ELOVL4: variants seen among roughly 807,000 people sequenced by gnomAD.
ELOVL4 encodes very long chain fatty acid elongase 4.
In ELOVL4, 18 loss-of-function variants were observed where a neutral mutation model predicts 42.1. The observed-to-expected ratio is 0.43, with a 90% CI of 0.30 to 0.63. The LOEUF is 0.63. Among genes scored for constraint, ELOVL4 ranks in the 30% least tolerant of loss-of-function variants. The pLI, the probability that ELOVL4 is intolerant of heterozygous loss-of-function variation, is 0.15. For missense variants in ELOVL4, 299 were observed against 376.2 expected, an observed-to-expected ratio of 0.79 and a Z score of 1.70; for synonymous variants, 117 against 127.0, an observed-to-expected ratio of 0.92 and a Z score of 0.53.
intron 1 of ELOVL4, among the ~76,000 whole-genome samples, chr6:79,943,343 G>A (rs1774678138): frequency 6.6e-6 from 1 of 152,020 alleles, no homozygotes; most frequent in Non-Finnish European, 1.5e-5. Flanking sequence ...TGACCCTTAA[G>A]CACCTTCCCA....
chr6:79,943,905 A>T (rs1774690786), intron 1 of ELOVL4, among the ~76,000 whole-genome samples: 1 of 152,100 alleles, frequency 6.6e-6, no homozygotes. Flanking sequence ...CCAAGTAGAC[A>T]ATTTTTTTCA....
chr6:79,943,583 C>G (rs1404626045), intron 1 of ELOVL4, among the ~76,000 whole-genome samples: 1 of 152,040 alleles, frequency 6.6e-6, no homozygotes, highest in Non-Finnish European at 1.5e-5. Context: ...TTCCCTAGGC[C>G]CCAGCTAGTC....
chr6:79,920,455 T>G (rs1243095529), intron 4 of ELOVL4, among the ~76,000 whole-genome samples: 2 of 152,194 alleles, frequency 1.3e-5, no homozygotes, highest in Non-Finnish European at 2.9e-5. Context: ...CAACAAGACC[T>G]ATACAGGCTG....
At position 79,947,390 on chromosome 6, in the gene ELOVL4, A is replaced by C; in HGVS notation, c.-111T>G. On this transcript the variant is annotated 5_prime_UTR_variant, in exon 1 of 6. Coordinates refer to ENST00000369816, the MANE Select transcript of ELOVL4 (RefSeq NM_022726.4). The stretch of plus-strand genomic sequence containing the variant: ...CGAGCGGCGGCCGGGAACCCCTCTA[A>C]CGGCGGCGGCCCGGCTGCGTCTTCT... The C allele has an allele frequency of 1.2e-6, 1 of 821,954 alleles. No individual in the cohort carries two copies. 50.9% of individuals were successfully genotyped at this position (821,954 alleles called of 1,614,324 possible).
chr6:79,928,745 T>TTG (rs1774393215), intron 1 of ELOVL4, among the ~76,000 whole-genome samples: 2 of 144,278 alleles, frequency 1.4e-5, no homozygotes, highest in African/African-American at 5.3e-5. Context: ...TTTTTTTTTT[T>TTG]TTTTTTTTTT....
chr6:79,924,101 C>A (rs1774305671), intron 3 of ELOVL4, among the ~76,000 whole-genome samples: 2 of 152,172 alleles, frequency 1.3e-5, no homozygotes, highest in African/African-American at 4.8e-5. Context: ...TCTGTTGTTT[C>A]TTTTGCTTAA....
intron 1 of ELOVL4, among the ~76,000 whole-genome samples, chr6:79,939,005 T>C (rs1176709906): frequency 6.6e-6 from 1 of 152,162 alleles, no homozygotes; most frequent in Non-Finnish European, 1.5e-5. Flanking sequence ...TCTAAATATA[T>C]GGAAAAAATG....
chr6:79,919,616 C>T (rs1774218586), intron 4 of ELOVL4, 69 bp from the exon 5 acceptor site: 2 of 1,349,242 alleles, frequency 1.5e-6, no homozygotes, highest in Middle Eastern at 2.0e-4. Flanking sequence ...CTGAGATGTA[C>T]AATAAATGAA....
Position 79,947,312 on chromosome 6 carries a change from A to T in ELOVL4, c.-33T>A. 1 of 1,555,448 alleles carries T rather than the reference A, an allele frequency of 6.4e-7. No homozygotes were observed. Among genetic ancestry groups the T allele is most frequent in the East Asian group, 2.3e-5 (1 of 44,194 alleles). ...ATGAGCGGGCGCTGGCGGCAGGAGA[A>T]AGCGGAGACCCAGAGAGAGGGCTGA... On this transcript the variant is annotated 5_prime_UTR_variant, in exon 1 of 6. Transcript: ENST00000369816.
At chr6:79,939,972 T>C (rs1774619498) in intron 1 of ELOVL4, among the ~76,000 whole-genome samples, 1 of 152,256 alleles carries the variant, frequency 6.6e-6, no homozygotes, top group South Asian at 2.1e-4. Context: ...ATTGTATGTA[T>C]ATACCACGTT....
intron 1 of ELOVL4, among the ~76,000 whole-genome samples, chr6:79,930,052 T>C (rs1462234941): frequency 6.6e-6 from 1 of 152,194 alleles, no homozygotes; most frequent in Admixed American, 6.5e-5. Flanking sequence ...TCCTAGAGCT[T>C]TTCCCAGATC....
intron 3 of ELOVL4, among the ~76,000 whole-genome samples, chr6:79,923,153 C>T (rs1239065158): frequency 2.0e-5 from 3 of 152,152 alleles, no homozygotes; most frequent in Admixed American, 6.5e-5. Context: ...GCAAACTGCA[C>T]TAGATATCTT....
chr6:79,918,393 A>G (rs538364298), intron 5 of ELOVL4, among the ~76,000 whole-genome samples: 2 of 152,334 alleles, frequency 1.3e-5, no homozygotes, highest in South Asian at 4.1e-4. Context: ...ACTAATTCAC[A>G]TGATTTTGAT....
rs750472407 is a variant in ELOVL4, at chr6:79,926,377, C to T, written c.105G>A (p.Lys35=). The T allele has an allele frequency of 1.6e-5, 26 of 1,613,446 alleles. No individual in the cohort carries two copies. The highest frequency in any genetic ancestry group is 1.2e-5 in the Non-Finnish European group (14 of 1,179,674). ...FYRWTWSIAD[K]RVENWPLMQS... is the part of the protein sequence containing the mutation. ...GCATCAGAGGCCAATTTTCCACACG[C>T]TTATCTATAGAGAGAACAAAATACC... The change falls in exon 2 of 6, where the codon AAG becomes AAA. Residue 35 remains lysine, a synonymous_variant. Coordinates refer to ENST00000369816, the MANE Select transcript of ELOVL4 (RefSeq NM_022726.4).
rs200726708 is a variant in ELOVL4, at chr6:79,944,987, C to CAAAAAAA, written c.100+2186_100+2192dup. Among the ~76,000 whole-genome samples the CAAAAAAA allele has an allele frequency of 5.2e-4, 48 of 92,986 alleles. 1 individual carries two copies. The highest frequency in any genetic ancestry group is 1.5e-3 in the African/African-American group (42 of 28,964). The allele number at this position is 92,986 out of a possible 152,430, so 61.0% of individuals were successfully genotyped here. On this transcript the variant is annotated intron_variant, in intron 1 of 5. Transcript: ENST00000369816. ...GGAATCAGAGCAGAGTGAATGAGTC[C>CAAAAAAA]AAAAAAAAAAAAAAAAAAAAAAAAG... is the stretch of plus-strand genomic sequence containing the variant.
At chr6:79,941,639 A>G (rs1228051799) in intron 1 of ELOVL4, among the ~76,000 whole-genome samples, 2 of 152,146 alleles carry the variant, frequency 1.3e-5, no homozygotes. Flanking sequence ...AGGTGGGCAG[A>G]TCACATGACA....
chr6:79,916,764 A>T lies in ELOVL4; in HGVS notation c.789T>A (p.Leu263=). Residue 263 remains leucine (L), a synonymous_variant, in exon 6 of 6, where the codon CTT becomes CTA. Coordinates refer to ENST00000369816, the MANE Select transcript of ELOVL4 (RefSeq NM_022726.4). The part of the protein sequence containing the change: ...AYAISFIFLF[L]NFYIRTYKEP... ...CTTTGTATGTCCGAATGTAGAAGTT[A>T]AGAAAGAGAAATATGAAGCTGATTG... 6.2e-7 allele frequency: 1 copy of T among 1,614,190 alleles called. No individual in the cohort carries two copies. The highest frequency in any genetic ancestry group is 1.1e-5 in the South Asian group (1 of 91,088).
chr6:79,916,504 T>C lies in ELOVL4; in HGVS notation c.*104A>G, dbSNP rs2127697545. ...ACTAGGACATAGAGCACATTTGTCT[T>C]TTCTCCCCACCCCCAAGCTCTCCTT... On this transcript the variant is annotated 3_prime_UTR_variant, in exon 6 of 6. Coordinates refer to ENST00000369816, the MANE Select transcript of ELOVL4 (RefSeq NM_022726.4). 7 of 1,409,314 alleles carry C rather than the reference T, an allele frequency of 5.0e-6. No individual in the cohort carries two copies. The South Asian group carries it at 7.1e-5, about 14-fold the overall frequency. 87.3% of individuals were successfully genotyped at this position (1,409,314 alleles called of 1,614,324 possible). A position where few individuals can be genotyped will look rare whatever the true frequency, so the allele number is the denominator to read the frequency against.
intron 3 of ELOVL4, among the ~76,000 whole-genome samples, chr6:79,923,782 A>T (rs770233661): frequency 2.6e-5 from 4 of 152,226 alleles, no homozygotes; most frequent in Non-Finnish European, 5.9e-5. Context: ...ATGAATAAAT[A>T]AAACCAACAT....
Sources: allele counts gnomAD v4.1 joint callset (sites outside exome capture counted in the v4.1 genomes callset), GRCh38; gene constraint gnomAD v4.1.1; transcripts MANE v1.5; gene names NCBI Gene and HGNC (gene_info 2026-07-23, HGNC 2026-07-21).